Variants in TAS2R1 observed in about 807,000 individuals in gnomAD.
TAS2R1 encodes taste 2 receptor member 1, also known as taste receptor type 2 member 1.
For missense variants in TAS2R1, 370 were observed against 353.4 expected (o/e 1.05, Z -0.38); for synonymous variants, 141 against 134.2 (o/e 1.05, Z -0.35).
chr5:9,868,071 C>G, the TAS2R1 span, among the ~76,000 whole-genome samples: 2 of 152,234 alleles, frequency 1.3e-5, no homozygotes, highest in East Asian at 3.9e-4. Flanking sequence ...AGACCCCCTA[C>G]TGGCTGCTTT....
chr5:9,682,474 C>G (rs1261749729), intron 1 of TAS2R1, among the ~76,000 whole-genome samples: 1 of 152,158 alleles, frequency 6.6e-6, no homozygotes, highest in Non-Finnish European at 1.5e-5. Flanking sequence ...TCACCCTGCT[C>G]AGCTTCATCT....
the TAS2R1 span, among the ~76,000 whole-genome samples, chr5:9,725,404 C>T: frequency 6.6e-6 from 1 of 152,174 alleles, no homozygotes; most frequent in South Asian, 2.1e-4. Context: ...GCACTTGGAG[C>T]AGCCGGCTGG....
intron 1 of TAS2R1, among the ~76,000 whole-genome samples, chr5:9,683,161 A>G (rs1741059345): frequency 6.6e-6 from 1 of 152,142 alleles, no homozygotes; most frequent in Middle Eastern, 3.5e-3. Context: ...AATTTACATT[A>G]TAGTATAATA....
At chr5:9,811,410 G>A in the TAS2R1 span, among the ~76,000 whole-genome samples, 3 of 152,164 alleles carry the variant, frequency 2.0e-5, no homozygotes, top group African/African-American at 4.8e-5. Context: ...AGCCTAAAGA[G>A]TGAGGTCTGT....
the TAS2R1 span, among the ~76,000 whole-genome samples, chr5:9,774,873 C>G: frequency 6.6e-6 from 1 of 152,202 alleles, no homozygotes; most frequent in Non-Finnish European, 1.5e-5. Context: ...TGTGCTGGGT[C>G]AGACCTGAGG....
chr5:9,718,655 G>T, the TAS2R1 span, among the ~76,000 whole-genome samples: 14 of 152,042 alleles, frequency 9.2e-5, no homozygotes, highest in Non-Finnish European at 1.6e-4. Context: ...AATCAAATCA[G>T]GCAGTTAGTG....
rs1302766319 is a variant in TAS2R1 at position 9,699,683 on chromosome 5, C to T, written c.-242+12489G>A. On this transcript the variant is annotated intron_variant, in intron 1 of 2. Coordinates refer to the TAS2R1 transcript ENST00000506620. ...GATGTTTGCCATATCTCTGGACAGT[C>T]GTGATAGGAACCTGATGAGTTGAAA... 4.6e-5 allele frequency among the ~76,000 whole-genome samples: 7 copies of T among 152,238 alleles called. No individual in the cohort carries two copies. The South Asian group carries it at 1.0e-3, about 23-fold the overall frequency.
intron 1 of TAS2R1, among the ~76,000 whole-genome samples, chr5:9,711,349 C>A (rs978194506): frequency 7.9e-5 from 12 of 152,120 alleles, no homozygotes; most frequent in East Asian, 7.7e-4. Flanking sequence ...AGAACTGAAT[C>A]CTGTAATATG....
chr5:9,787,447 A>T, the TAS2R1 span, among the ~76,000 whole-genome samples: 29,438 of 152,102 alleles, frequency 0.19, 3,355 homozygotes, highest in Middle Eastern at 0.32. Flanking sequence ...TAGTAATCAC[A>T]TTATTCTTTT....
the TAS2R1 span, among the ~76,000 whole-genome samples, chr5:9,891,275 A>G: frequency 6.6e-6 from 1 of 152,172 alleles, no homozygotes; most frequent in Non-Finnish European, 1.5e-5. Context: ...GACGTTAAAG[A>G]GCTATGCAAA....
At chr5:9,864,915 T>A in the TAS2R1 span, among the ~76,000 whole-genome samples, 1 of 152,056 alleles carries the variant, frequency 6.6e-6, no homozygotes, top group Admixed American at 6.5e-5. Flanking sequence ...GGGCACTAGC[T>A]TAAGGCTGTG....
At chr5:9,865,246 C>A in the TAS2R1 span, among the ~76,000 whole-genome samples, 1 of 152,090 alleles carries the variant, frequency 6.6e-6, no homozygotes. Flanking sequence ...GAGAAGGACA[C>A]AAATTCTAGT....
At chr5:9,635,269 A>G (rs1214233448), upstream of TAS2R1, among the ~76,000 whole-genome samples, 1 of 152,076 alleles carries the variant, frequency 6.6e-6, no homozygotes, top group East Asian at 1.9e-4. Context: ...TATATGTTAA[A>G]CCATTCATGC....
At chr5:9,681,137 C>G (rs1439517002) in intron 1 of TAS2R1, among the ~76,000 whole-genome samples, 1 of 151,866 alleles carries the variant, frequency 6.6e-6, no homozygotes, top group Non-Finnish European at 1.5e-5. Context: ...TGAATGGACT[C>G]TTGGACCAGA....
chr5:9,715,147 A>G (rs1396740679), upstream of TAS2R1, among the ~76,000 whole-genome samples: 1 of 152,256 alleles, frequency 6.6e-6, no homozygotes, highest in Non-Finnish European at 1.5e-5. Context: ...CCAGTGCACT[A>G]CAGACTGAAC....
the TAS2R1 span, among the ~76,000 whole-genome samples, chr5:9,875,338 A>G: frequency 6.6e-6 from 1 of 152,224 alleles, no homozygotes; most frequent in African/African-American, 2.4e-5. Context: ...GCCAAGTCAA[A>G]TAAGGCTGCC....
the TAS2R1 span, among the ~76,000 whole-genome samples, chr5:9,852,376 C>A: frequency 6.6e-6 from 1 of 150,784 alleles, no homozygotes; most frequent in South Asian, 2.2e-4. Flanking sequence ...TTTTTTCATT[C>A]TCTCCTGTTT....
At chr5:9,810,822 C>T in the TAS2R1 span, among the ~76,000 whole-genome samples, 1 of 152,124 alleles carries the variant, frequency 6.6e-6, no homozygotes, top group Non-Finnish European at 1.5e-5. Context: ...GACAATCACC[C>T]AGTCTTCTTC....
chr5:9,864,609 G>A, the TAS2R1 span, among the ~76,000 whole-genome samples: 1 of 151,262 alleles, frequency 6.6e-6, no homozygotes, highest in Non-Finnish European at 1.5e-5. Flanking sequence ...CTCCAGCCTG[G>A]GTGACAAGAG....
Sources: gnomAD v4.1 joint callset for allele counts (sites outside exome capture counted in the v4.1 genomes callset) on GRCh38, gnomAD v4.1.1 for gene constraint, MANE v1.5 for transcripts, NCBI Gene and HGNC (gene_info 2026-07-23, HGNC 2026-07-21) for gene names.